NUP210L: variants seen among roughly 807,000 people sequenced by gnomAD.
The protein encoded by NUP210L is nuclear pore membrane glycoprotein 210-like.
Under a neutral mutation model 208.5 loss-of-function variants are expected in NUP210L, and 74 were observed. That is an observed-to-expected ratio of 0.35 (90% confidence interval 0.29 to 0.43). The LOEUF is 0.43. NUP210L is among the 20% of genes least tolerant of loss of function. The pLI is 1.00. For synonymous variants in NUP210L, 780 were observed against 816.9 expected, an observed-to-expected ratio of 0.95 and a Z score of 0.77; for missense variants, 1,843 against 2,289.4, an observed-to-expected ratio of 0.81 and a Z score of 3.98.
chr1:154,024,891 G>A (rs947628003), intron 30 of NUP210L, among the ~76,000 whole-genome samples: 7 of 148,922 alleles, frequency 4.7e-5, no homozygotes, highest in African/African-American at 1.7e-4. Flanking sequence ...AAAGCTGCTA[G>A]GAAGACAATC....
intron 35 of NUP210L, among the ~76,000 whole-genome samples, chr1:154,006,926 CTGTG>C (rs796890210): frequency 1.0e-4 from 9 of 88,298 alleles, no homozygotes; most frequent in Admixed American, 1.6e-4. Flanking sequence ...ACACATATGT[CTGTG>C]TGTGTGTGTG....
intron 1 of NUP210L, among the ~76,000 whole-genome samples, chr1:154,153,076 C>T (rs1187102517): frequency 3.3e-5 from 5 of 152,122 alleles, no homozygotes; most frequent in Non-Finnish European, 7.4e-5. Flanking sequence ...TGAACAAAGT[C>T]CCAGAAATAT....
At chr1:154,091,069 C>CTAT (rs1405439517) in intron 15 of NUP210L, among the ~76,000 whole-genome samples, 3 of 97,092 alleles carry the variant, frequency 3.1e-5, no homozygotes, top group South Asian at 3.8e-4. Flanking sequence ...ATTATTATTG[C>CTAT]TGTTATTATT....
intron 27 of NUP210L, among the ~76,000 whole-genome samples, chr1:154,035,127 A>G (rs1262242774): frequency 1.3e-5 from 2 of 152,120 alleles, no homozygotes; most frequent in Admixed American, 1.3e-4. Flanking sequence ...GGCGTGAGCC[A>G]CCACGCCCAG....
intron 17 of NUP210L, among the ~76,000 whole-genome samples, chr1:154,066,866 C>T (rs1654448774): frequency 6.6e-6 from 1 of 152,128 alleles, no homozygotes; most frequent in African/African-American, 2.4e-5. Context: ...TTTCTGGACA[C>T]ATACACCCTC....
At chr1:154,055,163 CTTTCTTTCTTTCTTTCTTTCTTTCTT>C (rs1653778023) in intron 23 of NUP210L, among the ~76,000 whole-genome samples, 2 of 116,800 alleles carry the variant, frequency 1.7e-5, no homozygotes, top group Non-Finnish European at 3.6e-5. Context: ...TTCTTTCTTT[CTTTCTTTCTTTCTTTCTTTCTTTCTT>C]TTTCTTTCTT....
intron 16 of NUP210L, among the ~76,000 whole-genome samples, chr1:154,082,091 G>T (rs1173791493): frequency 6.6e-6 from 1 of 152,208 alleles, no homozygotes; most frequent in African/African-American, 2.4e-5. Context: ...CATGGAGAGG[G>T]CATGGACGCT....
chr1:154,093,262 C>G (rs1656020988), intron 15 of NUP210L, among the ~76,000 whole-genome samples: 2 of 151,968 alleles, frequency 1.3e-5, no homozygotes, highest in South Asian at 4.2e-4. Flanking sequence ...AACCCCATCT[C>G]TACTAAAAAT....
At chr1:154,057,457 T>C (rs1405033940) in intron 22 of NUP210L, among the ~76,000 whole-genome samples, 1 of 152,030 alleles carries the variant, frequency 6.6e-6, no homozygotes, top group Non-Finnish European at 1.5e-5. Flanking sequence ...TCCAGAGGAA[T>C]AAGGGCAATA....
At chr1:154,096,411 G>T (rs1351727531) in intron 14 of NUP210L, among the ~76,000 whole-genome samples, 1 of 152,142 alleles carries the variant, frequency 6.6e-6, no homozygotes, top group African/African-American at 2.4e-5. Flanking sequence ...TCACAGGGGA[G>T]CTCACAATCT....
chr1:154,052,242 G>A (rs1653546651), intron 25 of NUP210L, among the ~76,000 whole-genome samples: 1 of 152,180 alleles, frequency 6.6e-6, no homozygotes, highest in African/African-American at 2.4e-5. Flanking sequence ...TTATGCTTGT[G>A]TTTCTCCTGG....
intron 12 of NUP210L, among the ~76,000 whole-genome samples, chr1:154,113,701 T>TA (rs1394189409): frequency 6.6e-6 from 1 of 151,196 alleles, no homozygotes; most frequent in Non-Finnish European, 1.5e-5. Flanking sequence ...CTACTAAAAA[T>TA]ACAAAAATTA....
intron 15 of NUP210L, among the ~76,000 whole-genome samples, chr1:154,090,391 G>C (rs1033524500): frequency 3.9e-5 from 6 of 152,122 alleles, no homozygotes; most frequent in Non-Finnish European, 5.9e-5. Flanking sequence ...CTTCAAATGA[G>C]GGTTAATCAG....
intron 32 of NUP210L, among the ~76,000 whole-genome samples, chr1:154,020,284 C>G (rs1472450304): frequency 6.6e-6 from 1 of 152,214 alleles, no homozygotes; most frequent in Non-Finnish European, 1.5e-5. Context: ...CACATCCAGG[C>G]AGTGTACACC....
chr1:153,995,179 A>T, exon 38 of NUP210L: 1 of 1,606,882 alleles, frequency 6.2e-7, no homozygotes, highest in Non-Finnish European at 8.5e-7. Context: ...CTTCACAGTG[A>T]TCTATACATT....
rs1156928758 is a variant in NUP210L, at chr1:154,150,727, CA to C, written c.340+2008del. Among the ~76,000 whole-genome samples the C allele has an allele frequency of 6.2e-3, 246 of 39,684 alleles. 1 individual carries two copies. Among genetic ancestry groups the C allele is most frequent in the East Asian group, 0.015 (20 of 1,368 alleles). The allele number at this position is 39,684 out of a possible 152,430, so 26.0% of individuals were successfully genotyped here. A position where few individuals can be genotyped will look rare whatever the true frequency, so the allele number is the denominator to read the frequency against. On this transcript the variant is annotated intron_variant, in intron 2 of 39. Coordinates refer to ENST00000368559, the Ensembl canonical transcript of NUP210L. ...TGGATAACACAGCAAGACTCCATCTCAAAAAAAAAAAAAAAAAAAAAGGACT... is the reference window on the plus strand; with the variant it reads ...TGGATAACACAGCAAGACTCCATCTCAAAAAAAAAAAAAAAAAAAAGGACT...
chr1:154,041,206 C>A (rs1652858203), intron 27 of NUP210L, among the ~76,000 whole-genome samples: 1 of 152,036 alleles, frequency 6.6e-6, no homozygotes, highest in South Asian at 2.1e-4. Flanking sequence ...CTCAAGTGAT[C>A]CTCTCACCTC....
intron 16 of NUP210L, among the ~76,000 whole-genome samples, chr1:154,075,565 T>A (rs1186502971): frequency 6.6e-6 from 1 of 151,934 alleles, no homozygotes; most frequent in Non-Finnish European, 1.5e-5. Context: ...ACTAAATAAA[T>A]GTTCTCAGCA....
rs756386749 is a variant in NUP210L at position 154,070,344 on chromosome 1, G to A, written c.2483C>T (p.Ala828Val). The A allele has an allele frequency of 2.2e-5, 36 of 1,613,484 alleles. No homozygotes were observed. Among genetic ancestry groups the A allele is most frequent in the Non-Finnish European group, 3.1e-5 (36 of 1,179,740 alleles). The stretch of plus-strand genomic sequence containing the variant: ...CACTGATTTATAATCTTCGAAATGG[G>A]CTAGTGTTTCATTGGAGGATTTCCA... Residue 828 changes from alanine to valine, a missense_variant, in exon 17 of 40, where the codon GCC becomes GTC. This residue lies in a region of NUP210L where 408 missense variants were observed against 600.8 expected (regional missense o/e 0.68). Coordinates refer to ENST00000368559, the Ensembl canonical transcript of NUP210L.
Sources: allele counts gnomAD v4.1 joint callset (sites outside exome capture counted in the v4.1 genomes callset), GRCh38; gene constraint gnomAD v4.1.1; regional missense constraint gnomAD v4.1.1; transcripts MANE v1.5; gene names NCBI Gene and HGNC (gene_info 2026-07-23, HGNC 2026-07-21).